Variants in SH3KBP1 observed in about 807,000 individuals in gnomAD.
SH3KBP1 encodes the protein SH3 domain-containing kinase-binding protein 1.
In SH3KBP1, 8 loss-of-function variants were observed where a neutral mutation model predicts 50.1. That is an observed-to-expected ratio of 0.16 (90% CI 0.09 to 0.29). The LOEUF (loss-of-function observed/expected upper bound fraction) is 0.29. Among genes scored for constraint, SH3KBP1 ranks in the 10% least tolerant of loss-of-function variants. The probability of loss-of-function intolerance (pLI) is 1.00; values close to 1 mark genes in which losing one functional copy is unlikely to be tolerated. For missense variants in SH3KBP1, 377 were observed against 535.2 expected (o/e 0.70, Z 2.92); for synonymous variants, 227 against 218.6 (o/e 1.04, Z -0.34).
intron 1 of SH3KBP1, among the ~76,000 whole-genome samples, chrX:19,877,822 T>C (rs1340847105): frequency 8.9e-6 from 1 of 112,200 alleles, no homozygotes; most frequent in African/African-American, 3.2e-5. Context: ...AAGATAGAAA[T>C]AACAGTATGA....
At chrX:19,683,775 T>G (rs758125572) in intron 6 of SH3KBP1, 48 bp downstream of exon 6, 30 of 1,132,351 alleles carry the variant, frequency 2.6e-5, no homozygotes, top group Non-Finnish European at 3.6e-5. Flanking sequence ...AACGTACTTT[T>G]GGATATTCCA....
intron 5 of SH3KBP1, among the ~76,000 whole-genome samples, chrX:19,686,365 T>C (rs936414525): frequency 1.8e-5 from 2 of 111,658 alleles, no homozygotes; most frequent in African/African-American, 6.5e-5. Context: ...AATGTCCCCA[T>C]GTCAGGCCCA....
rs752125585 is a variant in SH3KBP1, at chrX:19,588,352, A to G, written c.1298+291T>C. 4 of 1,072,403 alleles carry G rather than the reference A, an allele frequency of 3.7e-6. No homozygotes were observed. The African/African-American group carries it at 7.6e-5, about 20-fold the overall frequency. 88.4% of individuals were successfully genotyped at this position (1,072,403 alleles called of 1,213,427 possible). A position where few individuals can be genotyped will look rare whatever the true frequency, so the allele number is the denominator to read the frequency against. ...TGAAGGGCAGTTGGCCTTGCTTCTA[A>G]TAAGGCCCAGGAAAAACCCCTGTGT... On this transcript the variant is annotated intron_variant, in intron 12 of 17. Transcript: ENST00000397821.
chrX:19,542,616 G>A (rs914301509), intron 15 of SH3KBP1, among the ~76,000 whole-genome samples: 1 of 111,337 alleles, frequency 9.0e-6, no homozygotes, highest in African/African-American at 3.3e-5. Context: ...AGGGAGGTGA[G>A]CATACAGAGC....
chrX:19,758,924 G>T (rs2065295655), intron 2 of SH3KBP1, among the ~76,000 whole-genome samples: 2 of 111,528 alleles, frequency 1.8e-5, no homozygotes, highest in Admixed American at 1.9e-4. Flanking sequence ...TCTTTTAACG[G>T]TGTGCCAACA....
chrX:19,644,482 C>T (rs1602789371), intron 7 of SH3KBP1, among the ~76,000 whole-genome samples: 1 of 111,825 alleles, frequency 8.9e-6, no homozygotes, highest in Admixed American at 9.5e-5. Context: ...TAAATATATA[C>T]ACTTACTATG....
rs139152312 is a variant in SH3KBP1 at position 19,664,091 on chromosome X, C to T, written c.727-18616G>A. 1.2e-4 allele frequency among the ~76,000 whole-genome samples: 13 copies of T among 111,277 alleles called. No homozygotes were observed. The East Asian group carries it at 3.7e-3, about 32-fold the overall frequency. ...TGGGCAACAAAGCAAGACCCTCTCTCAATCAATCAATCAATGGGACGCCTC... is the reference window on the plus strand; with the variant it reads ...TGGGCAACAAAGCAAGACCCTCTCTTAATCAATCAATCAATGGGACGCCTC... On this transcript the variant is annotated intron_variant, in intron 6 of 17. Coordinates refer to ENST00000397821, the MANE Select transcript of SH3KBP1 (RefSeq NM_031892.3).
chrX:19,720,773 A>G (rs2064036774), intron 3 of SH3KBP1, among the ~76,000 whole-genome samples: 1 of 111,692 alleles, frequency 9.0e-6, no homozygotes, highest in Non-Finnish European at 1.9e-5. Context: ...AAAAAAAGAC[A>G]CAAACATTTG....
chrX:19,556,919 G>A lies in SH3KBP1; in HGVS notation c.1385-6836C>T, dbSNP rs751560024. On this transcript the variant is annotated intron_variant, in intron 13 of 17. Transcript: ENST00000397821. ...ACTCCTGGCCTCAAGCAATCCTCCT[G>A]CCTCAGCTTCCCAAAGTGCTAGGAC... is the stretch of plus-strand genomic sequence containing the variant. 2.1e-4 allele frequency among the ~76,000 whole-genome samples: 23 copies of A among 111,524 alleles called. 1 individual carries two copies. Among genetic ancestry groups the A allele is most frequent in the Admixed American group, 1.6e-3 (17 of 10,481 alleles).
intron 7 of SH3KBP1, among the ~76,000 whole-genome samples, chrX:19,639,907 CT>C (rs377700054): frequency 0.081 from 6,720 of 83,127 alleles, 588 homozygotes; most frequent in African/African-American, 0.23. Flanking sequence ...AGAGTTGACT[CT>C]TTTTTTTTTT....
At chrX:19,826,949 G>C (rs2067698387) in intron 2 of SH3KBP1, among the ~76,000 whole-genome samples, 1 of 111,992 alleles carries the variant, frequency 8.9e-6, no homozygotes, top group Admixed American at 9.5e-5. Flanking sequence ...TGTTGAAGTA[G>C]ATTTGTGATC....
At chrX:19,615,741 T>G (rs1027314018) in intron 8 of SH3KBP1, among the ~76,000 whole-genome samples, 1 of 111,033 alleles carries the variant, frequency 9.0e-6, no homozygotes, top group East Asian at 2.8e-4. Flanking sequence ...GTTTATAAGG[T>G]AAGAAGAAAA....
intron 3 of SH3KBP1, among the ~76,000 whole-genome samples, chrX:19,724,298 A>T (rs1430759854): frequency 8.9e-6 from 1 of 112,349 alleles, no homozygotes; most frequent in Non-Finnish European, 1.9e-5. Context: ...AAATAAATCC[A>T]CATTAATCTC....
chrX:19,693,149 C>T (rs1449384755), intron 5 of SH3KBP1, among the ~76,000 whole-genome samples: 1 of 112,165 alleles, frequency 8.9e-6, no homozygotes, highest in East Asian at 2.8e-4. Flanking sequence ...TCTTCAGATG[C>T]TTACTTTGCA....
intron 8 of SH3KBP1, among the ~76,000 whole-genome samples, chrX:19,631,089 C>T (rs2061564440): frequency 8.9e-6 from 1 of 112,328 alleles, no homozygotes; most frequent in African/African-American, 3.2e-5. Flanking sequence ...GGGAACTGTG[C>T]TAAGTTCCCT....
chrX:19,685,519 C>G (rs1030323889), intron 5 of SH3KBP1, among the ~76,000 whole-genome samples: 1 of 111,208 alleles, frequency 9.0e-6, no homozygotes, highest in Non-Finnish European at 1.9e-5. Context: ...AACACAGGAC[C>G]GAATGGGGAA....
intron 4 of SH3KBP1, among the ~76,000 whole-genome samples, chrX:19,703,696 CTGTGTGTGTGTGTG>C (rs56915755): frequency 0.032 from 2,044 of 63,467 alleles, 41 homozygotes; most frequent in African/African-American, 0.052. Context: ...AAAAGAGAAA[CTGTGTGTGTGTGTG>C]TGTGTGTGTG....
chrX:19,600,790 G>A (rs989579702), intron 9 of SH3KBP1, among the ~76,000 whole-genome samples: 6 of 111,384 alleles, frequency 5.4e-5, no homozygotes, highest in African/African-American at 2.0e-4. Flanking sequence ...CCATGGTGAA[G>A]GTAAAATGCT....
intron 2 of SH3KBP1, among the ~76,000 whole-genome samples, chrX:19,759,526 G>A (rs941360442): frequency 7.2e-5 from 8 of 111,792 alleles, no homozygotes; most frequent in African/African-American, 2.3e-4. Flanking sequence ...AGGATAACTC[G>A]ATTGTCAAGA....
Sources: allele counts gnomAD v4.1 joint callset (sites outside exome capture counted in the v4.1 genomes callset), GRCh38; gene constraint gnomAD v4.1.1; transcripts MANE v1.5; gene names NCBI Gene and HGNC (gene_info 2026-07-23, HGNC 2026-07-21).